Variants in STK33 observed in about 807,000 individuals in gnomAD.
STK33 encodes serine/threonine kinase 33.
In STK33, 52 loss-of-function variants were observed where a neutral mutation model predicts 58.0. The observed-to-expected ratio is 0.90, with a 90% CI of 0.72 to 1.13. The LOEUF (loss-of-function observed/expected upper bound fraction) is 1.13, where lower values mean the gene tolerates loss of function less well. Among genes scored for constraint, STK33 ranks in the 50% most tolerant of loss-of-function variants. STK33 has a pLI of 0.00. For synonymous variants in STK33, 215 were observed against 200.1 expected, an observed-to-expected ratio of 1.07 and a Z score of -0.63; for missense variants, 630 against 604.2, an observed-to-expected ratio of 1.04 and a Z score of -0.45.
intron 12 of STK33, among the ~76,000 whole-genome samples, chr11:8,436,475 C>T (rs1430063377): frequency 6.6e-6 from 1 of 151,970 alleles, no homozygotes; most frequent in East Asian, 1.9e-4. Flanking sequence ...TGTAAGTGTA[C>T]AATAATAGTG....
At chr11:8,421,753 T>C (rs1941953944) in intron 14 of STK33, among the ~76,000 whole-genome samples, 1 of 152,210 alleles carries the variant, frequency 6.6e-6, no homozygotes, top group East Asian at 1.9e-4. Context: ...TTCAATAAAA[T>C]GTTCTAACTT....
At chr11:8,477,917 T>C (rs10840059) in intron 2 of STK33, among the ~76,000 whole-genome samples, 15,020 of 152,150 alleles carry the variant, frequency 0.099, 1,786 homozygotes, top group African/African-American at 0.29. Flanking sequence ...GTCTACCAAG[T>C]GCTATATTTG....
At chr11:8,525,135 T>G (rs572155413) in intron 1 of STK33, among the ~76,000 whole-genome samples, 228 of 152,298 alleles carry the variant, frequency 1.5e-3, no homozygotes, top group Non-Finnish European at 1.7e-3. Context: ...AAGGACATAC[T>G]ATGTTCATAG....
intron 14 of STK33, among the ~76,000 whole-genome samples, chr11:8,423,287 C>A (rs993375682): frequency 6.6e-6 from 1 of 151,436 alleles, no homozygotes; most frequent in African/African-American, 2.4e-5. Flanking sequence ...ATCTTTCCTA[C>A]TACTTTATTT....
intron 1 of STK33, among the ~76,000 whole-genome samples, chr11:8,484,468 C>T (rs115896224): frequency 1.9e-4 from 29 of 152,232 alleles, no homozygotes; most frequent in East Asian, 1.5e-3. Context: ...TACAACCCTA[C>T]GGGAGCTTGC....
chr11:8,542,695 A>T (rs1177730927), intron 1 of STK33, among the ~76,000 whole-genome samples: 2 of 152,168 alleles, frequency 1.3e-5, no homozygotes, highest in Non-Finnish European at 2.9e-5. Flanking sequence ...GAATGAATTA[A>T]TGAATTTTAA....
intron 1 of STK33, among the ~76,000 whole-genome samples, chr11:8,566,235 T>C (rs756488478): frequency 2.0e-5 from 3 of 152,236 alleles, no homozygotes; most frequent in African/African-American, 2.4e-5. Flanking sequence ...AGCTTCTAAA[T>C]AGACCCTCAG....
intron 1 of STK33, among the ~76,000 whole-genome samples, chr11:8,539,310 A>C (rs980645437): frequency 6.6e-6 from 1 of 152,234 alleles, no homozygotes; most frequent in Non-Finnish European, 1.5e-5. Flanking sequence ...GCTTAAAGGC[A>C]ATCTCTGACA....
chr11:8,383,859 C>T, the STK33 span, among the ~76,000 whole-genome samples: 1 of 152,204 alleles, frequency 6.6e-6, no homozygotes, highest in East Asian at 1.9e-4. Flanking sequence ...CCCTGTCAGG[C>T]ACCCAGAAGC....
intron 15 of STK33, among the ~76,000 whole-genome samples, chr11:8,406,266 T>C (rs1445773893): frequency 6.6e-6 from 1 of 152,210 alleles, no homozygotes; most frequent in Non-Finnish European, 1.5e-5. Context: ...ATTGTATTAA[T>C]TACTGTATCT....
chr11:8,495,009 C>A (rs1950942991), intron 1 of STK33, among the ~76,000 whole-genome samples: 1 of 152,128 alleles, frequency 6.6e-6, no homozygotes, highest in Admixed American at 6.5e-5. Context: ...AAAACCTAGC[C>A]AATACCATTC....
chr11:8,563,676 C>A (rs1957260886), intron 1 of STK33, among the ~76,000 whole-genome samples: 1 of 152,122 alleles, frequency 6.6e-6, no homozygotes, highest in Non-Finnish European at 1.5e-5. Context: ...ACATAATACA[C>A]AAAGTGAAGG....
Position 8,457,375 on chromosome 11 carries a change from A to G in STK33, c.663T>C (p.Ser221=). Reference sequence around the variant, plus strand: ...GAAGATATGCTATAGCTGATGCGAGACTTTGAATGATCCACCTTGTCTCAT... The same window carrying G: ...GAAGATATGCTATAGCTGATGCGAGGCTTTGAATGATCCACCTTGTCTCAT... The part of the protein sequence containing the change: ...SENETRWIIQ[S]LASAIAYLHN... The change falls in exon 9 of 16, where the codon AGT becomes AGC. Residue 221 remains serine, a synonymous_variant. Coordinates refer to ENST00000687296, the MANE Select transcript of STK33 (RefSeq NM_001352389.2). 1 of 1,605,680 alleles carries G rather than the reference A, an allele frequency of 6.2e-7. No individual in the cohort carries two copies. The highest frequency in any genetic ancestry group is 8.5e-7 in the Non-Finnish European group (1 of 1,174,088).
intron 1 of STK33, among the ~76,000 whole-genome samples, chr11:8,585,607 T>C (rs966794121): frequency 2.0e-5 from 3 of 152,052 alleles, no homozygotes; most frequent in Admixed American, 1.3e-4. Flanking sequence ...GTTTCTGTCT[T>C]ATCCAACAAA....
intron 6 of STK33, among the ~76,000 whole-genome samples, chr11:8,471,997 C>A (rs960955610): frequency 6.6e-6 from 1 of 152,152 alleles, no homozygotes; most frequent in African/African-American, 2.4e-5. Context: ...ATGATCATAG[C>A]TCACTGCAGC....
At chr11:8,491,487 C>T (rs1165452708) in intron 1 of STK33, among the ~76,000 whole-genome samples, 2 of 152,128 alleles carry the variant, frequency 1.3e-5, no homozygotes, top group African/African-American at 4.8e-5. Context: ...CTGAAAGTGA[C>T]AGGGAGAATG....
chr11:8,472,733 T>C lies in STK33; in HGVS notation c.339+430A>G, dbSNP rs546826315. On this transcript the variant is annotated intron_variant, in intron 6 of 15. Coordinates refer to ENST00000687296, the MANE Select transcript of STK33 (RefSeq NM_001352389.2). The stretch of plus-strand genomic sequence containing the variant: ...TATAATAATTTGAATCCTGGAAAAA[T>C]AGTATTGGTATTTATCCAATCGCAG... Among the ~76,000 whole-genome samples, 3 of 152,282 alleles carry C rather than the reference T, an allele frequency of 2.0e-5. No homozygotes were observed. In the East Asian group the frequency reaches 5.8e-4, roughly 29 times the overall value.
At chr11:8,370,079 T>C in the STK33 span, among the ~76,000 whole-genome samples, 6 of 152,214 alleles carry the variant, frequency 3.9e-5, no homozygotes, top group African/African-American at 1.4e-4. Flanking sequence ...AGACCCCGTC[T>C]GAGGGGCCAC....
intron 1 of STK33, among the ~76,000 whole-genome samples, chr11:8,524,818 A>T (rs7119274): frequency 6.6e-6 from 1 of 151,520 alleles, no homozygotes; most frequent in Non-Finnish European, 1.5e-5. Context: ...CCAATATGGT[A>T]GATCTTATGT....
Sources: gnomAD v4.1 joint callset for allele counts (sites outside exome capture counted in the v4.1 genomes callset) on GRCh38, gnomAD v4.1.1 for gene constraint, MANE v1.5 for transcripts, NCBI Gene and HGNC (gene_info 2026-07-23, HGNC 2026-07-21) for gene names.